Variants in EEFSEC observed in about 807,000 individuals in gnomAD.
The protein encoded by EEFSEC is eukaryotic elongation factor, selenocysteine-tRNA specific.
Under a neutral mutation model 42.1 loss-of-function variants are expected in EEFSEC, and 43 were observed. That is an observed-to-expected ratio of 1.02 (90% CI 0.80 to 1.32). EEFSEC has a LOEUF of 1.32. Among genes scored for constraint, EEFSEC ranks in the 40% most tolerant of loss-of-function variants. EEFSEC has a pLI of 0.00. For missense variants in EEFSEC, 745 were observed against 803.6 expected, an observed-to-expected ratio of 0.93 and a Z score of 0.88; for synonymous variants, 354 against 339.1, an observed-to-expected ratio of 1.04 and a Z score of -0.48.
At chr3:128,215,485 T>A (rs969738404) in intron 1 of EEFSEC, among the ~76,000 whole-genome samples, 2 of 152,178 alleles carry the variant, frequency 1.3e-5, no homozygotes, top group South Asian at 4.1e-4. Context: ...TTGGACAGCG[T>A]TGATGGATCA....
At chr3:128,371,810 C>A (rs183998721) in intron 6 of EEFSEC, among the ~76,000 whole-genome samples, 13 of 152,324 alleles carry the variant, frequency 8.5e-5, no homozygotes, top group African/African-American at 3.1e-4. Flanking sequence ...CCCTACAGGG[C>A]CATGGGGAAA....
intron 6 of EEFSEC, among the ~76,000 whole-genome samples, chr3:128,390,383 G>T (rs757793967): frequency 6.6e-6 from 1 of 152,274 alleles, no homozygotes; most frequent in African/African-American, 2.4e-5. Flanking sequence ...AGGGGTGCAT[G>T]TGGGGAAGGG....
intron 1 of EEFSEC, among the ~76,000 whole-genome samples, chr3:128,233,430 C>A (rs2065978626): frequency 6.6e-6 from 1 of 152,108 alleles, no homozygotes; most frequent in South Asian, 2.1e-4. Flanking sequence ...GGATGGAGAA[C>A]CCTGGCTTAA....
intron 1 of EEFSEC, among the ~76,000 whole-genome samples, chr3:128,209,948 C>T (rs543431372): frequency 5.3e-5 from 8 of 152,224 alleles, no homozygotes; most frequent in East Asian, 3.8e-4. Context: ...ATATCTCCCA[C>T]TTTGGGAAAC....
chr3:128,234,412 TA>T (rs2065987864), intron 1 of EEFSEC, among the ~76,000 whole-genome samples: 1 of 152,196 alleles, frequency 6.6e-6, no homozygotes. Flanking sequence ...AGAAAGGCTC[TA>T]AGAATAGTAC....
intron 6 of EEFSEC, among the ~76,000 whole-genome samples, chr3:128,382,314 G>C (rs1366115888): frequency 6.6e-6 from 1 of 152,236 alleles, no homozygotes; most frequent in Admixed American, 6.5e-5. Context: ...GGATTCAGCA[G>C]AGCAGGGAGC....
intron 1 of EEFSEC, among the ~76,000 whole-genome samples, chr3:128,225,645 A>C (rs556687810): frequency 1.6e-4 from 25 of 152,378 alleles, no homozygotes; most frequent in African/African-American, 5.8e-4. Flanking sequence ...TTTATCTGCC[A>C]GGGAGGAGGA....
At chr3:128,377,894 C>G (rs146366964) in intron 6 of EEFSEC, among the ~76,000 whole-genome samples, 1 of 152,290 alleles carries the variant, frequency 6.6e-6, no homozygotes, top group African/African-American at 2.4e-5. Flanking sequence ...TGTTATTTAT[C>G]TTTGCTATTT....
intron 4 of EEFSEC, among the ~76,000 whole-genome samples, chr3:128,334,337 G>A (rs1017397986): frequency 6.6e-6 from 1 of 152,228 alleles, no homozygotes; most frequent in Admixed American, 6.5e-5. Context: ...CTCAGGCTGT[G>A]TGGGCTCTAC....
At position 128,317,952 on chromosome 3, in the gene EEFSEC, G is replaced by T. The variant is rs952514090; in HGVS notation, c.787-23281G>T. ...GCCACACTGGGGCAGCCCTTGCCAT[G>T]TGGGCCATGGGAACTGGTTGTTAGG... On this transcript the variant is annotated intron_variant, in intron 4 of 6. Coordinates refer to ENST00000254730, the MANE Select transcript of EEFSEC (RefSeq NM_021937.5). The surrounding 1 kb of genome is among the most constrained non-coding windows in gnomAD (Gnocchi z 4.1). 6.6e-6 allele frequency among the ~76,000 whole-genome samples: 1 copy of T among 152,234 alleles called. No homozygotes were observed. Among genetic ancestry groups the T allele is most frequent in the Non-Finnish European group, 1.5e-5 (1 of 68,048 alleles).
intron 6 of EEFSEC, among the ~76,000 whole-genome samples, chr3:128,388,025 G>A (rs1007527437): frequency 1.3e-5 from 2 of 152,320 alleles, no homozygotes; most frequent in East Asian, 3.9e-4. Context: ...AGGAGAAGGA[G>A]GCCTAGTGGC....
intron 6 of EEFSEC, among the ~76,000 whole-genome samples, chr3:128,366,589 GCTCTGGC>G (rs1357047483): frequency 6.6e-6 from 1 of 152,230 alleles, no homozygotes; most frequent in African/African-American, 2.4e-5. Context: ...AGACAGGAGG[GCTCTGGC>G]CTCACACAGT....
intron 6 of EEFSEC, among the ~76,000 whole-genome samples, chr3:128,399,403 G>A (rs764437000): frequency 1.8e-4 from 28 of 152,216 alleles, no homozygotes; most frequent in Non-Finnish European, 3.1e-4. Context: ...TGAGAGCCTC[G>A]GAAAGAGCGA....
At chr3:128,413,576 G>C (rs554545416), downstream of EEFSEC, among the ~76,000 whole-genome samples, 34 of 152,312 alleles carry the variant, frequency 2.2e-4, no homozygotes, top group African/African-American at 7.0e-4. Flanking sequence ...CTGGAGCCCT[G>C]AATGAGGTGT....
intron 4 of EEFSEC, among the ~76,000 whole-genome samples, chr3:128,311,549 G>A (rs2066890195): frequency 6.6e-6 from 1 of 152,220 alleles, no homozygotes; most frequent in African/African-American, 2.4e-5. Context: ...CTGGCAGCCT[G>A]TCTTCCTCTG....
intron 1 of EEFSEC, among the ~76,000 whole-genome samples, chr3:128,181,390 C>T (rs2065403525): frequency 6.6e-6 from 1 of 152,240 alleles, no homozygotes; most frequent in South Asian, 2.1e-4. Flanking sequence ...CTAAGCAGAT[C>T]ACATGTGCTT....
chr3:128,171,490 T>C lies in EEFSEC; in HGVS notation c.316+17667T>C, dbSNP rs575212130. Among the ~76,000 whole-genome samples the C allele has an allele frequency of 4.6e-5, 7 of 152,314 alleles. No homozygotes were observed. In the South Asian group the frequency reaches 1.2e-3, roughly 27 times the overall value. ...TTTTTGTTTGAAGCAAGGGGTCAAA[T>C]GTATTTTCTCCCCCTTTCATATCAG... On this transcript the variant is annotated intron_variant, in intron 1 of 6. Coordinates refer to ENST00000254730, the MANE Select transcript of EEFSEC (RefSeq NM_021937.5).
intron 2 of EEFSEC, among the ~76,000 whole-genome samples, chr3:128,250,911 G>GTTTTTTTTTTTTTTTTTTTTT (rs35594175): frequency 9.2e-6 from 1 of 108,596 alleles, no homozygotes; most frequent in Non-Finnish European, 1.8e-5. Context: ...GTTTTTTTTG[G>GTTTTTTTTTTTTTTTTTTTTT]TTTTTTTTTT....
At chr3:128,167,047 A>G (rs1270014933) in intron 1 of EEFSEC, among the ~76,000 whole-genome samples, 1 of 152,190 alleles carries the variant, frequency 6.6e-6, no homozygotes, top group Admixed American at 6.5e-5. Context: ...TTGAGATCTC[A>G]GGACTCCAGG....
Sources: gnomAD v4.1 joint callset for allele counts (sites outside exome capture counted in the v4.1 genomes callset) on GRCh38, gnomAD v4.1.1 for gene constraint, Gnocchi (gnomAD v3.1) non-coding constraint, MANE v1.5 for transcripts, NCBI Gene and HGNC (gene_info 2026-07-23, HGNC 2026-07-21) for gene names.